The following MYOCD variants were observed in gnomAD, a reference collection of about 807,000 sequenced individuals.
MYOCD encodes myocardin.
MYOCD carries 32 observed loss-of-function variants against 96.1 expected under a neutral mutation model. The observed-to-expected ratio is 0.33, with a 90% CI of 0.25 to 0.45. MYOCD has a LOEUF of 0.45. Ranked by LOEUF, MYOCD falls within the 20% of genes least tolerant of loss-of-function variation. MYOCD has a pLI of 1.00. For synonymous variants in MYOCD, 469 were observed against 469.0 expected, an observed-to-expected ratio of 1.00 and a Z score of 0.00; for missense variants, 1,133 against 1,200.6, an observed-to-expected ratio of 0.94 and a Z score of 0.83.
At chr17:12,681,498 T>C (rs553697055) in intron 1 of MYOCD, among the ~76,000 whole-genome samples, 1 of 152,292 alleles carries the variant, frequency 6.6e-6, no homozygotes, top group East Asian at 1.9e-4. Flanking sequence ...CTAAAACAAC[T>C]TGAGCCCATG....
intron 11 of MYOCD, among the ~76,000 whole-genome samples, 185 bp from the exon 12 acceptor site, chr17:12,757,900 C>A (rs554248928): frequency 3.9e-5 from 6 of 152,272 alleles, no homozygotes; most frequent in African/African-American, 1.4e-4. Flanking sequence ...TAAGACGCCA[C>A]CACCAATGAA....
chr17:12,685,342 C>T (rs565864521), intron 1 of MYOCD, among the ~76,000 whole-genome samples: 3 of 149,730 alleles, frequency 2.0e-5, no homozygotes, highest in Non-Finnish European at 4.4e-5. Context: ...CAGTGGCTCA[C>T]GCCTGTAATC....
chr17:12,692,253 T>C (rs145560346), intron 1 of MYOCD, among the ~76,000 whole-genome samples: 1 of 152,352 alleles, frequency 6.6e-6, no homozygotes, highest in East Asian at 1.9e-4. Context: ...AGGTATATGC[T>C]TGCATTCGCA....
chr17:12,673,558 G>A (rs1909835415), intron 1 of MYOCD, among the ~76,000 whole-genome samples: 1 of 151,924 alleles, frequency 6.6e-6, no homozygotes, highest in African/African-American at 2.4e-5. Context: ...CACTTGTATT[G>A]GAAAATTAAG....
intron 5 of MYOCD, among the ~76,000 whole-genome samples, chr17:12,723,881 G>A (rs148135849): frequency 2.4e-4 from 37 of 152,276 alleles, no homozygotes; most frequent in African/African-American, 8.4e-4. Context: ...CCAAAACTAA[G>A]TTTATTATAA....
At position 12,722,856 on chromosome 17, in the gene MYOCD, C is replaced by G; in HGVS notation, c.263C>G (p.Ala88Gly). The G allele has an allele frequency of 6.2e-7, 1 of 1,612,594 alleles. No homozygotes were observed. The highest frequency in any genetic ancestry group is 1.1e-5 in the South Asian group (1 of 90,874). ...CATTTCAACCCTTTAGCTTCCACTGCAGAGAGGTCCATTCCAACTGCTCAG... is the reference window on the plus strand; with the variant it reads ...CATTTCAACCCTTTAGCTTCCACTGGAGAGAGGTCCATTCCAACTGCTCAG... Reference protein sequence around the residue: ...VNMHILQASTAERSIPTAQMK... With the variant: ...VNMHILQASTGERSIPTAQMK... Residue 88 changes from alanine (A) to glycine (G), a missense_variant, in exon 5 of 14, where the codon GCA (alanine) becomes GGA (glycine). By Grantham distance (60) the Ala-to-Gly change is moderately conservative. Transcript: ENST00000425538.
At chr17:12,755,850 C>T (rs9912915) in intron 10 of MYOCD, among the ~76,000 whole-genome samples, 3,445 of 151,956 alleles carry the variant, frequency 0.023, 143 homozygotes, top group African/African-American at 0.079. Flanking sequence ...GCAGCCCGGG[C>T]GACAGAGTGA....
rs772707330 is a variant in MYOCD at position 12,666,236 on chromosome 17, C to T, written c.48C>T (p.Phe16=). 6.2e-7 allele frequency: 1 copy of T among 1,611,512 alleles called. No homozygotes were observed. Among genetic ancestry groups the T allele is most frequent in the Non-Finnish European group, 8.5e-7 (1 of 1,177,616 alleles). ...SEHSLLIRSK[F]RSVLQLRLQQ... ...ATTCCTTGCTGATTAGGAGCAAGTT[C>T]AGATCAGGTAGGGCTAAGGCATTTA... Residue 16 remains phenylalanine (F), a synonymous_variant, in exon 1 of 14, where the codon TTC becomes TTT. Transcript: ENST00000425538.
At chr17:12,697,628 A>G (rs1007616374) in intron 1 of MYOCD, among the ~76,000 whole-genome samples, 1 of 151,900 alleles carries the variant, frequency 6.6e-6, no homozygotes, top group African/African-American at 2.4e-5. Context: ...TGGGAATTAC[A>G]GGCTTGAGCC....
Position 12,753,342 on chromosome 17 carries a change from C to G in MYOCD, c.2054C>G (p.Ala685Gly). 1 of 1,584,796 alleles carries G rather than the reference C, an allele frequency of 6.3e-7. No individual in the cohort carries two copies. The highest frequency in any genetic ancestry group is 2.2e-5 in the East Asian group (1 of 44,618). Residue 685 changes from alanine to glycine, a missense_variant, in exon 10 of 14, where the codon GCA becomes GGA. Coordinates refer to ENST00000425538, the MANE Select transcript of MYOCD (RefSeq NM_001146312.3). Reference protein sequence around the residue: ...SSPISSQVCTAQNSGAHDGHP... With the variant: ...SSPISSQVCTGQNSGAHDGHP... ...CCCATCAGCAGCCAGGTGTGCACTG[C>G]ACAGGTAAGAGCACCTTGCGCCATG...
intron 1 of MYOCD, among the ~76,000 whole-genome samples, chr17:12,702,507 T>A (rs1331394910): frequency 1.3e-5 from 2 of 152,064 alleles, no homozygotes; most frequent in Non-Finnish European, 2.9e-5. Flanking sequence ...TGATACACTC[T>A]GTTTTATTTG....
At chr17:12,706,408 C>A (rs768907437) in intron 2 of MYOCD, among the ~76,000 whole-genome samples, 18 of 152,170 alleles carry the variant, frequency 1.2e-4, no homozygotes, top group Non-Finnish European at 1.9e-4. Flanking sequence ...CAAAGGTCTG[C>A]GGATGTCAGA....
chr17:12,708,313 C>T (rs1790697136), intron 2 of MYOCD, among the ~76,000 whole-genome samples: 2 of 152,080 alleles, frequency 1.3e-5, no homozygotes, highest in Admixed American at 6.5e-5. Flanking sequence ...GAAATAGTTG[C>T]AATCTTTCTA....
chr17:12,670,925 C>T (rs989888994), intron 1 of MYOCD, among the ~76,000 whole-genome samples: 53 of 152,134 alleles, frequency 3.5e-4, no homozygotes, highest in Admixed American at 3.2e-3. Flanking sequence ...TGAGACCATT[C>T]CTGTCTCCTC....
chr17:12,730,402 C>T (rs979610956), intron 5 of MYOCD, among the ~76,000 whole-genome samples: 2 of 150,002 alleles, frequency 1.3e-5, no homozygotes, highest in Non-Finnish European at 2.9e-5. Context: ...GAGCCAAGAT[C>T]GCGTCACTGC....
rs577856308 is a variant in MYOCD at position 12,732,443 on chromosome 17, G to C, written c.416-3718G>C. The stretch of plus-strand genomic sequence containing the variant: ...CATTCAATCCCACCTCCTCCGGGAG[G>C]CTTCTTGGACAACTTCGCATCGCTG... On this transcript the variant is annotated intron_variant, in intron 5 of 13. Coordinates refer to ENST00000425538, the MANE Select transcript of MYOCD (RefSeq NM_001146312.3). Among the ~76,000 whole-genome samples the C allele has an allele frequency of 3.3e-4, 51 of 152,248 alleles. No homozygotes were observed. The South Asian group carries it at 6.8e-3, about 20-fold the overall frequency.
chr17:12,668,705 A>G (rs1449858847), intron 1 of MYOCD, among the ~76,000 whole-genome samples: 2 of 152,052 alleles, frequency 1.3e-5, no homozygotes, highest in Admixed American at 6.5e-5. Context: ...TCTGCTTACT[A>G]GCTACATGAC....
intron 13 of MYOCD, chr17:12,762,672 C>T (rs2033211722): frequency 6.0e-6 from 1 of 167,446 alleles, no homozygotes; most frequent in African/African-American, 2.4e-5. Context: ...CTGTCACCCT[C>T]AAAACCCAAA....
Position 12,732,465 on chromosome 17 carries a change from G to A in MYOCD, c.416-3696G>A, listed in dbSNP as rs542338431. On this transcript the variant is annotated intron_variant, in intron 5 of 13. Transcript: ENST00000425538. ...GAGGCTTCTTGGACAACTTCGCATCGCTGTCTCCTCTCTGTAACCACCACC... is the reference window on the plus strand; with the variant it reads ...GAGGCTTCTTGGACAACTTCGCATCACTGTCTCCTCTCTGTAACCACCACC... 2.6e-5 allele frequency among the ~76,000 whole-genome samples: 4 copies of A among 152,194 alleles called. No homozygotes were observed. In the East Asian group the frequency reaches 5.8e-4, roughly 22 times the overall value.
Sources: gnomAD v4.1 joint callset for allele counts (sites outside exome capture counted in the v4.1 genomes callset) on GRCh38, gnomAD v4.1.1 for gene constraint, MANE v1.5 for transcripts, NCBI Gene and HGNC (gene_info 2026-07-23, HGNC 2026-07-21) for gene names.